ZMAT4: variants seen among roughly 807,000 people sequenced by gnomAD.
ZMAT4 encodes zinc finger matrin-type 4.
Under a neutral mutation model 28.7 loss-of-function variants are expected in ZMAT4, and 17 were observed. The observed-to-expected ratio is 0.59, with a 90% CI of 0.41 to 0.89. ZMAT4 has a LOEUF of 0.89. ZMAT4 is among the 40% of genes least tolerant of loss of function. The pLI, the probability that ZMAT4 is intolerant of heterozygous loss-of-function variation, is 0.00. For synonymous variants in ZMAT4, 117 were observed against 109.2 expected (o/e 1.07, Z -0.44); for missense variants, 240 against 283.8 (o/e 0.85, Z 1.11).
chr8:40,792,257 C>T (rs1054904456), intron 2 of ZMAT4, among the ~76,000 whole-genome samples: 1 of 151,686 alleles, frequency 6.6e-6, no homozygotes, highest in Non-Finnish European at 1.5e-5. Context: ...TCATATGGTT[C>T]AACCTTATTT....
At chr8:40,574,694 C>T (rs1014648257) in intron 6 of ZMAT4, among the ~76,000 whole-genome samples, 3 of 152,166 alleles carry the variant, frequency 2.0e-5, no homozygotes, top group African/African-American at 7.2e-5. Context: ...AGGCACCCAC[C>T]TCTGCTACCC....
intron 5 of ZMAT4, among the ~76,000 whole-genome samples, chr8:40,635,246 T>G (rs1384808483): frequency 1.3e-5 from 2 of 152,188 alleles, no homozygotes; most frequent in Non-Finnish European, 2.9e-5. Flanking sequence ...GGGAATGATT[T>G]TCAGTGAGTC....
At chr8:40,816,001 C>T (rs1223962910) in intron 2 of ZMAT4, among the ~76,000 whole-genome samples, 1 of 152,114 alleles carries the variant, frequency 6.6e-6, no homozygotes, top group Non-Finnish European at 1.5e-5. Context: ...TTCACCCCAG[C>T]ATCCCCAGTG....
chr8:40,806,965 C>T (rs1032967713), intron 2 of ZMAT4, among the ~76,000 whole-genome samples: 2 of 151,826 alleles, frequency 1.3e-5, no homozygotes, highest in African/African-American at 4.8e-5. Flanking sequence ...AGTCACCCAC[C>T]TTTAGGATCT....
chr8:40,758,132 A>C (rs1355518856), intron 3 of ZMAT4, among the ~76,000 whole-genome samples: 1 of 152,052 alleles, frequency 6.6e-6, no homozygotes, highest in Non-Finnish European at 1.5e-5. Context: ...CTATTGTTGG[A>C]TCTCACCTTG....
intron 5 of ZMAT4, among the ~76,000 whole-genome samples, chr8:40,595,832 C>T (rs562495798): frequency 1.4e-4 from 21 of 152,078 alleles, no homozygotes; most frequent in East Asian, 1.9e-4. Flanking sequence ...TCCTGTAATC[C>T]CAGCACTTTG....
chr8:40,662,463 A>G (rs2118859684), intron 5 of ZMAT4, among the ~76,000 whole-genome samples: 1 of 152,314 alleles, frequency 6.6e-6, no homozygotes. Context: ...GAGTTTGCCC[A>G]CAGTGCATAA....
chr8:40,780,261 C>A (rs1206630766), intron 2 of ZMAT4, among the ~76,000 whole-genome samples: 1 of 152,212 alleles, frequency 6.6e-6, no homozygotes, highest in Non-Finnish European at 1.5e-5. Flanking sequence ...ATGCTCAGAA[C>A]ACTTACATTA....
intron 2 of ZMAT4, among the ~76,000 whole-genome samples, chr8:40,810,455 A>G (rs1025372627): frequency 6.6e-6 from 1 of 152,212 alleles, no homozygotes; most frequent in Non-Finnish European, 1.5e-5. Flanking sequence ...ACACACAGCA[A>G]AGTGATACCC....
intron 1 of ZMAT4, among the ~76,000 whole-genome samples, chr8:40,864,540 C>T (rs1817611978): frequency 6.6e-6 from 1 of 152,136 alleles, no homozygotes; most frequent in Non-Finnish European, 1.5e-5. Context: ...AAAAGTGAGG[C>T]ATCACACATA....
chr8:40,857,987 G>C (rs138764029), intron 1 of ZMAT4, among the ~76,000 whole-genome samples: 73 of 152,286 alleles, frequency 4.8e-4, no homozygotes, highest in African/African-American at 1.6e-3. Context: ...AGAGAAATAA[G>C]AACAATGATT....
At position 40,610,726 on chromosome 8, in the gene ZMAT4, G is replaced by A. The variant is rs535159759; in HGVS notation, c.578-29465C>T. ...TTTGTACATTTGTCATGTTTTCCTT[G>A]AGACTGTAAAAAAAAAGAGATGATG... is the stretch of plus-strand genomic sequence containing the variant. On this transcript the variant is annotated intron_variant, in intron 5 of 6. Transcript: ENST00000297737. Among the ~76,000 whole-genome samples the A allele has an allele frequency of 3.3e-5, 5 of 151,798 alleles. No individual in the cohort carries two copies. The East Asian group carries it at 9.7e-4, about 29-fold the overall frequency.
At chr8:40,768,337 C>A (rs1029282339) in intron 2 of ZMAT4, among the ~76,000 whole-genome samples, 13 of 152,220 alleles carry the variant, frequency 8.5e-5, no homozygotes, top group South Asian at 2.1e-4. Flanking sequence ...CAAATAAAGA[C>A]TCATTTTCTT....
chr8:40,637,272 C>A (rs1164802139), intron 5 of ZMAT4, among the ~76,000 whole-genome samples: 1 of 152,092 alleles, frequency 6.6e-6, no homozygotes, highest in Non-Finnish European at 1.5e-5. Flanking sequence ...TCAAATCATT[C>A]TCAGAATGGA....
chr8:40,674,699 CT>C lies in ZMAT4; in HGVS notation c.577+4del, dbSNP rs1808833190. 6.2e-7 allele frequency: 1 copy of C among 1,612,476 alleles called. No homozygotes were observed. Among genetic ancestry groups the C allele is most frequent in the African/African-American group, 1.3e-5 (1 of 74,872 alleles). On this transcript the variant is annotated splice_donor_region_variant and intron_variant, in intron 5 of 6. Coordinates refer to ENST00000297737, the MANE Select transcript of ZMAT4 (RefSeq NM_024645.3). ...TGTGGCAGAAGTGAGAAGAGCTGCC[CT>C]TACCTCTCAGTTCCCCCATATCCAG...
chr8:40,645,557 G>T (rs1035456768), intron 5 of ZMAT4, among the ~76,000 whole-genome samples: 2 of 152,158 alleles, frequency 1.3e-5, no homozygotes, highest in Non-Finnish European at 2.9e-5. Context: ...GAAACTTTAT[G>T]TCCAGCCATA....
At position 40,707,152 on chromosome 8, in the gene ZMAT4, G is replaced by T. The variant is rs114481666; in HGVS notation, c.193-9751C>A. 4.8e-3 allele frequency among the ~76,000 whole-genome samples: 723 copies of T among 152,008 alleles called. 7 individuals are homozygous for T. Among genetic ancestry groups the T allele is most frequent in the African/African-American group, 0.017 (685 of 41,440 alleles). On this transcript the variant is annotated intron_variant, in intron 3 of 6. Coordinates refer to ENST00000297737, the MANE Select transcript of ZMAT4 (RefSeq NM_024645.3). The stretch of plus-strand genomic sequence containing the variant: ...GCAGTCTCCTTCATTAGGCTTCCCC[G>T]GGACATCCCACCACAAAGACAGCTG...
intron 5 of ZMAT4, among the ~76,000 whole-genome samples, chr8:40,625,559 G>A (rs755138351): frequency 6.6e-5 from 10 of 152,090 alleles, no homozygotes; most frequent in South Asian, 4.2e-4. Flanking sequence ...TGACATTAGA[G>A]GGAAAGAAAG....
chr8:40,614,131 C>T (rs1352378574), intron 5 of ZMAT4, among the ~76,000 whole-genome samples: 1 of 152,186 alleles, frequency 6.6e-6, no homozygotes, highest in African/African-American at 2.4e-5. Flanking sequence ...TTTCTTTGAA[C>T]CCCCTATGTT....
Sources: allele counts gnomAD v4.1 joint callset (sites outside exome capture counted in the v4.1 genomes callset), GRCh38; gene constraint gnomAD v4.1.1; transcripts MANE v1.5; gene names NCBI Gene and HGNC (gene_info 2026-07-23, HGNC 2026-07-21).